The following ARID5B variants were observed in gnomAD, a reference collection of about 807,000 sequenced individuals.
The protein encoded by ARID5B is AT-rich interaction domain 5B, also known as AT-rich interactive domain-containing protein 5B.
A neutral mutation model predicts 97.2 loss-of-function variants in ARID5B; 13 were observed. The observed-to-expected ratio is 0.13, with a 90% CI of 0.09 to 0.21. The LOEUF (loss-of-function observed/expected upper bound fraction) is 0.21. Ranked by LOEUF, ARID5B falls within the 10% of genes least tolerant of loss-of-function variation. The pLI, the probability that ARID5B is intolerant of heterozygous loss-of-function variation, is 1.00. For synonymous variants in ARID5B, 556 were observed against 570.3 expected, an observed-to-expected ratio of 0.97 and a Z score of 0.36; for missense variants, 1,210 against 1,465.3, an observed-to-expected ratio of 0.83 and a Z score of 2.84.
At chr10:62,031,637 A>C (rs975370437) in intron 4 of ARID5B, among the ~76,000 whole-genome samples, 3 of 152,192 alleles carry the variant, frequency 2.0e-5, no homozygotes, top group Admixed American at 2.0e-4. Flanking sequence ...TTCAGATGAG[A>C]AGTCACAAGC....
intron 3 of ARID5B, among the ~76,000 whole-genome samples, chr10:61,979,968 C>T (rs1224510282): frequency 6.6e-6 from 1 of 152,120 alleles, no homozygotes. Flanking sequence ...TGGCACATGC[C>T]TGTAATCCCA....
At chr10:61,971,841 A>T (rs934572490) in intron 3 of ARID5B, among the ~76,000 whole-genome samples, 4 of 152,204 alleles carry the variant, frequency 2.6e-5, no homozygotes, top group Non-Finnish European at 4.4e-5. Flanking sequence ...AATTGAATAT[A>T]TATTGGATTG....
intron 4 of ARID5B, among the ~76,000 whole-genome samples, chr10:62,042,205 A>G (rs1248829411): frequency 6.6e-6 from 1 of 152,220 alleles, no homozygotes; most frequent in African/African-American, 2.4e-5. Context: ...TTTTCAAAAA[A>G]TGAAAACAGG....
intron 3 of ARID5B, among the ~76,000 whole-genome samples, chr10:61,949,015 A>C (rs1377702051): frequency 6.6e-6 from 1 of 152,212 alleles, no homozygotes; most frequent in Non-Finnish European, 1.5e-5. Context: ...CATCGTTGTT[A>C]ATATGGCAGC....
chr10:62,070,052 C>T (rs4948294), intron 8 of ARID5B, among the ~76,000 whole-genome samples: 126,506 of 149,574 alleles, frequency 0.85, 53,737 homozygotes, highest in East Asian at 1. Context: ...TTTTTTTTTT[C>T]CCCACAAGCA....
Position 62,069,717 on chromosome 10 carries a change from G to A in ARID5B, c.1119G>A (p.Gln373=), listed in dbSNP as rs1840037553. The stretch of plus-strand genomic sequence containing the variant: ...TTTTTCAGATAACAGCCCGCCGTCA[G>A]TGGAAACATATTTATGATGAATTAG... ...GGYETITARR[Q]WKHIYDELGG... is the part of the protein sequence containing the mutation. The change falls in exon 8 of 10, where the codon CAG becomes CAA. Residue 373 remains glutamine (Q), a synonymous_variant. Transcript: ENST00000279873. 2 of 1,614,128 alleles carry A rather than the reference G, an allele frequency of 1.2e-6. No individual in the cohort carries two copies. The highest frequency in any genetic ancestry group is 8.5e-7 in the Non-Finnish European group (1 of 1,179,976).
intron 2 of ARID5B, among the ~76,000 whole-genome samples, chr10:61,907,367 G>A (rs780288719): frequency 1.1e-4 from 16 of 152,052 alleles, no homozygotes; most frequent in Middle Eastern, 6.3e-3. Context: ...TATCCATAAG[G>A]TAATTTTTTA....
intron 3 of ARID5B, among the ~76,000 whole-genome samples, chr10:61,943,816 C>T (rs1014465392): frequency 5.3e-5 from 8 of 151,798 alleles, no homozygotes; most frequent in Admixed American, 4.6e-4. Context: ...AGAAACTCTG[C>T]CCCACATGGC....
intron 3 of ARID5B, among the ~76,000 whole-genome samples, chr10:61,987,784 A>T (rs1043156442): frequency 1.1e-4 from 16 of 152,236 alleles, no homozygotes; most frequent in African/African-American, 3.9e-4. Flanking sequence ...AATAACCTTA[A>T]AGAAATATCT....
chr10:62,080,751 C>T (rs1840201371), intron 8 of ARID5B, among the ~76,000 whole-genome samples: 1 of 152,012 alleles, frequency 6.6e-6, no homozygotes, highest in Non-Finnish European at 1.5e-5. Flanking sequence ...GGTCTGAAGT[C>T]CCAGTTGAAC....
chr10:62,026,213 T>G (rs1449738118), intron 4 of ARID5B, among the ~76,000 whole-genome samples: 1 of 152,228 alleles, frequency 6.6e-6, no homozygotes, highest in Non-Finnish European at 1.5e-5. Context: ...AACTGCCAAA[T>G]GGAGTGAGCT....
At chr10:62,033,931 G>A (rs755312265) in intron 4 of ARID5B, among the ~76,000 whole-genome samples, 8 of 152,104 alleles carry the variant, frequency 5.3e-5, no homozygotes, top group East Asian at 1.9e-4. Context: ...CTCAAAGCCC[G>A]TGCCCTCTCT....
chr10:61,990,428 C>T (rs1838908188), intron 3 of ARID5B, among the ~76,000 whole-genome samples: 1 of 152,226 alleles, frequency 6.6e-6, no homozygotes, highest in African/African-American at 2.4e-5. Flanking sequence ...GGCAGATAAC[C>T]TTCTCCAGAT....
chr10:61,963,775 G>A (rs1838506638), intron 3 of ARID5B, among the ~76,000 whole-genome samples: 1 of 151,864 alleles, frequency 6.6e-6, no homozygotes, highest in Non-Finnish European at 1.5e-5. Flanking sequence ...TTTGATTACT[G>A]TCATTACTCT....
intron 2 of ARID5B, among the ~76,000 whole-genome samples, chr10:61,936,845 C>CTA (rs1564606843): frequency 0.021 from 388 of 18,264 alleles, no homozygotes; most frequent in African/African-American, 0.071. Flanking sequence ...TTTTTTCTTC[C>CTA]CCAAAAAAAA....
chr10:62,078,353 G>A (rs920028688), intron 8 of ARID5B, among the ~76,000 whole-genome samples: 3 of 152,198 alleles, frequency 2.0e-5, no homozygotes, highest in Non-Finnish European at 4.4e-5. Flanking sequence ...GCCACGTGCA[G>A]TGACGCATAC....
At chr10:62,032,290 C>A (rs1839507042) in intron 4 of ARID5B, among the ~76,000 whole-genome samples, 2 of 152,180 alleles carry the variant, frequency 1.3e-5, no homozygotes, top group Admixed American at 1.3e-4. Context: ...CTGCACACTC[C>A]AGCCTCAGCA....
chr10:61,973,800 A>T (rs1397630567), intron 3 of ARID5B, among the ~76,000 whole-genome samples: 2 of 152,218 alleles, frequency 1.3e-5, no homozygotes, highest in Admixed American at 6.5e-5. Flanking sequence ...TTTCTTTTCC[A>T]CATCAAGACA....
intron 3 of ARID5B, among the ~76,000 whole-genome samples, chr10:61,994,622 AC>A (rs1838972091): frequency 6.6e-6 from 1 of 151,592 alleles, no homozygotes; most frequent in Non-Finnish European, 1.5e-5. Flanking sequence ...CTCCTTCCCC[AC>A]CCCCAGCCCA....
Sources: gnomAD v4.1 joint callset for allele counts (sites outside exome capture counted in the v4.1 genomes callset) on GRCh38, gnomAD v4.1.1 for gene constraint, MANE v1.5 for transcripts, NCBI Gene and HGNC (gene_info 2026-07-23, HGNC 2026-07-21) for gene names.